CKAP2: variants seen among roughly 807,000 people sequenced by gnomAD.
The protein encoded by CKAP2 is cytoskeleton-associated protein 2.
Under a neutral mutation model 58.4 loss-of-function variants are expected in CKAP2, and 46 were observed. The ratio of observed to expected loss-of-function variants is 0.79; its 90% confidence interval spans 0.62 to 1.01. The LOEUF (loss-of-function observed/expected upper bound fraction) is 1.01. Ranked by LOEUF, CKAP2 falls within the 50% of genes least tolerant of loss-of-function variation. The pLI, the probability that CKAP2 is intolerant of heterozygous loss-of-function variation, is 0.00. For synonymous variants in CKAP2, 293 were observed against 280.9 expected, an observed-to-expected ratio of 1.04 and a Z score of -0.43; for missense variants, 809 against 796.4, an observed-to-expected ratio of 1.02 and a Z score of -0.19.
chr13:52,457,758 G>A (rs180697356), intron 2 of CKAP2, among the ~76,000 whole-genome samples: 368 of 152,320 alleles, frequency 2.4e-3, no homozygotes, highest in African/African-American at 7.0e-3. Context: ...GGAGGCTGAG[G>A]CAGGAGAATC....
chr13:52,455,909 G>C, intron 1 of CKAP2: 4 of 1,138,134 alleles, frequency 3.5e-6, no homozygotes, highest in Non-Finnish European at 2.2e-6. Flanking sequence ...GCCTCAGGCC[G>C]GGGTCGGTGT....
At chr13:52,456,293 A>T in intron 1 of CKAP2, 2 of 744,038 alleles carry the variant, frequency 2.7e-6, no homozygotes, top group Non-Finnish European at 3.7e-6. Context: ...CACAGGGAGT[A>T]GAGAATGTGA....
intron 7 of CKAP2, among the ~76,000 whole-genome samples, chr13:52,473,091 AC>A (rs1958781982): frequency 6.6e-6 from 1 of 151,290 alleles, no homozygotes; most frequent in African/African-American, 2.4e-5. Flanking sequence ...CTCAGATTGG[AC>A]CCTTCCTTTC....
rs1354880688 is a variant in CKAP2, at chr13:52,455,640, TGGCGGTGGCGGTG to T, written c.70+16_70+28del. The T allele has an allele frequency of 1.3e-5, 3 of 231,370 alleles. No homozygotes were observed. The highest frequency in any genetic ancestry group is 1.3e-5 in the Non-Finnish European group (2 of 150,676). The allele number at this position is 231,370 out of a possible 1,614,324, so 14.3% of individuals were successfully genotyped here. On this transcript the variant is annotated intron_variant, in intron 1 of 8. Transcript: ENST00000258607. ...CCGCATTCAAAGGTGAAGGCCGCGG[TGGCGGTGGCGGTG>T]GCGGTGGCGGTGGCGGTGGCGGGCG...
chr13:52,455,702 G>T (rs1594131061), intron 1 of CKAP2, 76 bp downstream of exon 1: 1 of 1,371,836 alleles, frequency 7.3e-7, no homozygotes, highest in Non-Finnish European at 9.4e-7. Context: ...CGGGGCTCGG[G>T]GCCGCGCTGG....
At position 52,461,651 on chromosome 13, in the gene CKAP2, T is replaced by C; in HGVS notation, c.825T>C (p.Ser275=). The C allele has an allele frequency of 6.2e-7, 1 of 1,614,164 alleles. No homozygotes were observed. The highest frequency in any genetic ancestry group is 8.5e-7 in the Non-Finnish European group (1 of 1,180,022). ...DTVKQGISRT[S]ANVTIRKGPH... is the part of the protein sequence containing the mutation. ...TGAAACAAGGCATCAGTAGAACTTC[T>C]GCCAATGTTACAATCCGGAAAGGGC... The change falls in exon 4 of 9, where the codon TCT becomes TCC. Residue 275 remains serine, a synonymous_variant. Coordinates refer to ENST00000258607, the MANE Select transcript of CKAP2 (RefSeq NM_018204.5).
intron 5 of CKAP2, among the ~76,000 whole-genome samples, chr13:52,464,293 C>A (rs990216912): frequency 1.4e-4 from 21 of 152,114 alleles, no homozygotes; most frequent in African/African-American, 4.8e-4. Context: ...TGGCTCACGC[C>A]TGTAATCCCA....
chr13:52,467,663 C>T (rs1280058303), intron 6 of CKAP2, among the ~76,000 whole-genome samples: 1 of 151,754 alleles, frequency 6.6e-6, no homozygotes, highest in East Asian at 1.9e-4. Context: ...GAGCCGAGAT[C>T]GCACCACTGC....
At chr13:52,458,734 G>A (rs773123488) in intron 2 of CKAP2, among the ~76,000 whole-genome samples, 2 of 152,018 alleles carry the variant, frequency 1.3e-5, no homozygotes, top group Non-Finnish European at 2.9e-5. Context: ...GTGGTGTCAG[G>A]CGCCTGTAAT....
chr13:52,456,706 G>C (rs1594131967), intron 2 of CKAP2, 99 bp downstream of exon 2: 4 of 897,192 alleles, frequency 4.5e-6, no homozygotes, highest in Non-Finnish European at 5.2e-6. Context: ...AAATTTTCTA[G>C]TAGCCACATT....
intron 7 of CKAP2, among the ~76,000 whole-genome samples, chr13:52,469,665 C>T (rs1413291821): frequency 2.0e-5 from 3 of 147,688 alleles, no homozygotes; most frequent in Admixed American, 6.7e-5. Context: ...GGCGCAATCT[C>T]GGCTCACTGC....
chr13:52,467,235 T>A (rs1958693262), intron 6 of CKAP2, among the ~76,000 whole-genome samples: 1 of 152,010 alleles, frequency 6.6e-6, no homozygotes, highest in Non-Finnish European at 1.5e-5. Context: ...ACATAGCAAA[T>A]GCTTAGGTAA....
chr13:52,461,222 T>C lies in CKAP2; in HGVS notation c.396T>C (p.Thr132=), dbSNP rs1358453385. The C allele has an allele frequency of 1.9e-6, 3 of 1,613,922 alleles. No individual in the cohort carries two copies. Among genetic ancestry groups the C allele is most frequent in the Admixed American group, 1.7e-5 (1 of 59,994 alleles). Residue 132 remains threonine (T), a synonymous_variant, in exon 4 of 9, where the codon ACT becomes ACC. Coordinates refer to ENST00000258607, the MANE Select transcript of CKAP2 (RefSeq NM_018204.5). ...DSNQTPHLLL[T]EDDPQSQHMT... ...ATCAAACTCCGCATTTGTTACTAAC[T>C]GAAGATGATCCCCAAAGTCAACATA...
rs1958799083 is a variant in CKAP2, at chr13:52,474,266, AC to A, written c.1802+183del. Among the ~76,000 whole-genome samples the A allele has an allele frequency of 3.9e-5, 6 of 152,246 alleles. No individual in the cohort carries two copies. The South Asian group carries it at 1.2e-3, about 32-fold the overall frequency. On this transcript the variant is annotated intron_variant, in intron 8 of 8. Coordinates refer to ENST00000258607, the MANE Select transcript of CKAP2 (RefSeq NM_018204.5). ...TTTGGGAGGCCGAAGCAGACAGATC[AC>A]TTGAGCCCAGGAGTTCAAGACTATC...
Position 52,462,063 on chromosome 13 carries a change from G to T in CKAP2, c.1100+137G>T, listed in dbSNP as rs1054473041. ...TGTCATATGCAGGCAAATTTATATT[G>T]TGGAACAATATGACCTAAAAGTTTT... is the stretch of plus-strand genomic sequence containing the variant. On this transcript the variant is annotated intron_variant, in intron 4 of 8. Transcript: ENST00000258607. 7 of 859,244 alleles carry T rather than the reference G, an allele frequency of 8.1e-6. No homozygotes were observed. In the African/African-American group the frequency reaches 1.2e-4, roughly 15 times the overall value. 53.2% of individuals were successfully genotyped at this position (859,244 alleles called of 1,614,324 possible).
chr13:52,456,444 C>CA, intron 1 of CKAP2, 79 bp from the exon 2 acceptor site: 1 of 1,144,646 alleles, frequency 8.7e-7, no homozygotes, highest in Admixed American at 2.0e-5. Context: ...GTAAACTCTT[C>CA]ATTTAGTCAA....
chr13:52,474,307 A>C (rs1046358865), intron 8 of CKAP2, among the ~76,000 whole-genome samples: 1 of 151,966 alleles, frequency 6.6e-6, no homozygotes, highest in Non-Finnish European at 1.5e-5. Context: ...GCAACATGGC[A>C]AAACCCCATC....
chr13:52,465,297 A>T lies in CKAP2; in HGVS notation c.1308A>T (p.Gly436=), dbSNP rs1958649520. The change falls in exon 6 of 9, where the codon GGA becomes GGT. Residue 436 remains glycine, a splice_region_variant and synonymous_variant. Transcript: ENST00000258607. ...FSECLNLINE[G]CPKEDILVTL... ...CACATTTTTTCTTGCTTTTTTAGGG[A>T]TGTCCAAAAGAAGATATACTGGTCA... The T allele has an allele frequency of 6.3e-7, 1 of 1,598,000 alleles. No homozygotes were observed. Among genetic ancestry groups the T allele is most frequent in the African/African-American group, 1.4e-5 (1 of 73,830 alleles).
chr13:52,456,171 C>T lies in CKAP2; in HGVS notation c.71-352C>T, dbSNP rs1034091154. The T allele has an allele frequency of 4.7e-6, 5 of 1,053,422 alleles. No homozygotes were observed. In the South Asian group the frequency reaches 1.2e-4, roughly 26 times the overall value. 65.3% of individuals were successfully genotyped at this position (1,053,422 alleles called of 1,614,324 possible). A position where few individuals can be genotyped will look rare whatever the true frequency, so the allele number is the denominator to read the frequency against. ...CAGAAGAAAGTAATTCTCATCTAACCCAGTTCTGGTAAATTAGAACTTTCG... is the reference window on the plus strand; with the variant it reads ...CAGAAGAAAGTAATTCTCATCTAACTCAGTTCTGGTAAATTAGAACTTTCG... On this transcript the variant is annotated intron_variant, in intron 1 of 8. Transcript: ENST00000258607.
Sources: gnomAD v4.1 joint callset for allele counts (sites outside exome capture counted in the v4.1 genomes callset) on GRCh38, gnomAD v4.1.1 for gene constraint, MANE v1.5 for transcripts, NCBI Gene and HGNC (gene_info 2026-07-23, HGNC 2026-07-21) for gene names.